The following DACH2 variants were observed in gnomAD, a reference collection of about 807,000 sequenced individuals.
DACH2 encodes dachshund homolog 2.
A neutral mutation model predicts 35.8 loss-of-function variants in DACH2; 17 were observed. That is an observed-to-expected ratio of 0.48 (90% CI 0.33 to 0.71). The LOEUF is 0.71. DACH2 is among the 30% of genes least tolerant of loss of function. The pLI, the probability that DACH2 is intolerant of heterozygous loss-of-function variation, is 0.02. For missense variants in DACH2, 469 were observed against 472.7 expected (o/e 0.99, Z 0.07); for synonymous variants, 195 against 177.3 (o/e 1.10, Z -0.79).
rs369199426 is a variant in DACH2, at chrX:86,396,840, T to A, written c.527+19978T>A. Among the ~76,000 whole-genome samples the A allele has an allele frequency of 3.6e-5, 4 of 110,773 alleles. No individual in the cohort carries two copies. In the East Asian group the frequency reaches 1.1e-3, roughly 31 times the overall value. On this transcript the variant is annotated intron_variant, in intron 2 of 11. Coordinates refer to ENST00000373125, the MANE Select transcript of DACH2 (RefSeq NM_053281.3). ...GGTAGTGTGATGCCTCCAGCTTTGT[T>A]CTTTTGGCTTAGGATTGACTTGGCA...
chrX:86,646,840 A>AAT (rs201690083), intron 3 of DACH2, among the ~76,000 whole-genome samples: 2,573 of 108,909 alleles, frequency 0.024, 74 homozygotes, highest in African/African-American at 0.081. Context: ...TAAATAAATA[A>AAT]ATATATATAT....
At chrX:86,572,649 T>A (rs1276447594) in intron 3 of DACH2, among the ~76,000 whole-genome samples, 1 of 111,727 alleles carries the variant, frequency 9.0e-6, no homozygotes, top group Non-Finnish European at 1.9e-5. Context: ...AGTATGATGT[T>A]GGCTATAGGG....
At chrX:86,541,673 G>A (rs1187589655) in intron 3 of DACH2, among the ~76,000 whole-genome samples, 1 of 111,198 alleles carries the variant, frequency 9.0e-6, no homozygotes, top group Non-Finnish European at 1.9e-5. Context: ...TTATATTTAG[G>A]AGGAAAAAAG....
intron 2 of DACH2, among the ~76,000 whole-genome samples, chrX:86,471,455 C>T (rs985626845): frequency 9.0e-6 from 1 of 111,221 alleles, no homozygotes. Context: ...GCTTTTTCAC[C>T]TAGGAAATAG....
intron 3 of DACH2, among the ~76,000 whole-genome samples, chrX:86,606,451 G>C (rs2148363496): frequency 9.0e-6 from 1 of 111,058 alleles, no homozygotes; most frequent in South Asian, 3.7e-4. Flanking sequence ...TGACCCACTG[G>C]TCATTCAGGA....
At chrX:86,512,760 A>G (rs1006447829) in intron 2 of DACH2, 5 of 223,235 alleles carry the variant, frequency 2.2e-5, no homozygotes, top group Non-Finnish European at 3.4e-5. Context: ...TCCGATGAAC[A>G]TTTTTCAGTG....
At chrX:86,438,910 G>T (rs1334072131) in intron 2 of DACH2, among the ~76,000 whole-genome samples, 1 of 112,097 alleles carries the variant, frequency 8.9e-6, no homozygotes, top group Admixed American at 9.5e-5. Context: ...GTGTGAGATG[G>T]TGTCTCATTG....
intron 3 of DACH2, among the ~76,000 whole-genome samples, chrX:86,573,350 C>A (rs2039396694): frequency 9.2e-6 from 1 of 108,480 alleles, no homozygotes; most frequent in Non-Finnish European, 1.9e-5. Flanking sequence ...TCACTTCTGC[C>A]ATTCATATTA....
intron 3 of DACH2, among the ~76,000 whole-genome samples, chrX:86,529,841 G>A (rs1884567466): frequency 9.1e-6 from 1 of 109,965 alleles, no homozygotes; most frequent in Admixed American, 9.8e-5. Flanking sequence ...GCATAAATAA[G>A]CTATGGCTTA....
intron 2 of DACH2, among the ~76,000 whole-genome samples, chrX:86,449,738 C>G (rs5967731): frequency 0.23 from 25,815 of 110,635 alleles, 2,489 homozygotes; most frequent in East Asian, 0.49. Context: ...AAGCTGTAAA[C>G]AATATTACTT....
At chrX:86,677,730 G>T (rs1300168362) in intron 4 of DACH2, among the ~76,000 whole-genome samples, 1 of 112,217 alleles carries the variant, frequency 8.9e-6, no homozygotes, top group Non-Finnish European at 1.9e-5. Context: ...TGGGAAGTGT[G>T]TGTTTGTCAT....
chrX:86,706,376 CTGTTA>C (rs1224265113), intron 5 of DACH2, among the ~76,000 whole-genome samples: 1 of 111,133 alleles, frequency 9.0e-6, no homozygotes, highest in Non-Finnish European at 1.9e-5. Context: ...TGAGAATACT[CTGTTA>C]TAAGGTATTT....
chrX:86,263,514 T>C (rs1440766810), intron 1 of DACH2, among the ~76,000 whole-genome samples: 34 of 111,976 alleles, frequency 3.0e-4, no homozygotes, highest in Non-Finnish European at 1.5e-4. Context: ...AATGCAATTA[T>C]TGTTTTTTCT....
At chrX:86,521,587 A>G (rs1470121432) in intron 3 of DACH2, among the ~76,000 whole-genome samples, 1 of 111,673 alleles carries the variant, frequency 9.0e-6, no homozygotes, top group African/African-American at 3.2e-5. Context: ...TTGAGACAAA[A>G]CTCTTCAATT....
At chrX:86,674,458 G>A (rs778420972) in intron 4 of DACH2, among the ~76,000 whole-genome samples, 1 of 111,956 alleles carries the variant, frequency 8.9e-6, no homozygotes, top group Non-Finnish European at 1.9e-5. Context: ...GTTCTATCTC[G>A]AATTGATTCT....
intron 2 of DACH2, among the ~76,000 whole-genome samples, chrX:86,407,469 G>A (rs1180158858): frequency 1.8e-5 from 2 of 112,198 alleles, no homozygotes; most frequent in African/African-American, 6.5e-5. Flanking sequence ...GGCACGATTA[G>A]TACAGACAAA....
At chrX:86,329,530 C>T (rs1039202875) in intron 1 of DACH2, among the ~76,000 whole-genome samples, 2 of 109,939 alleles carry the variant, frequency 1.8e-5, no homozygotes, top group African/African-American at 6.7e-5. Context: ...CCTGTCTAAA[C>T]ATGGTTCAGC....
chrX:86,303,932 A>G (rs1373766713), intron 1 of DACH2, among the ~76,000 whole-genome samples: 1 of 111,551 alleles, frequency 9.0e-6, no homozygotes, highest in Non-Finnish European at 1.9e-5. Context: ...AGTCAAAACA[A>G]TCTTGAGTAG....
chrX:86,226,122 T>C (rs760882843), intron 1 of DACH2, among the ~76,000 whole-genome samples: 2 of 110,849 alleles, frequency 1.8e-5, no homozygotes, highest in East Asian at 5.6e-4. Context: ...AGGAAAAGCA[T>C]TGTGAAAGTC....
Sources: gnomAD v4.1 joint callset for allele counts (sites outside exome capture counted in the v4.1 genomes callset) on GRCh38, gnomAD v4.1.1 for gene constraint, MANE v1.5 for transcripts, NCBI Gene and HGNC (gene_info 2026-07-23, HGNC 2026-07-21) for gene names.